The following GLMN variants were observed in gnomAD, a reference collection of about 807,000 sequenced individuals.
GLMN encodes glomulin.
Under a neutral mutation model 87.8 loss-of-function variants are expected in GLMN, and 75 were observed. The observed-to-expected ratio is 0.85, with a 90% CI of 0.71 to 1.04. The LOEUF (loss-of-function observed/expected upper bound fraction) is 1.04. GLMN is among the 50% of genes least tolerant of loss of function. GLMN has a pLI of 0.00. For missense variants in GLMN, 588 were observed against 658.8 expected, an observed-to-expected ratio of 0.89 and a Z score of 1.18; for synonymous variants, 206 against 221.6, an observed-to-expected ratio of 0.93 and a Z score of 0.63.
rs1290102626 is a variant in GLMN, at chr1:92,251,106, T to C, written c.1474-3117A>G. On this transcript the variant is annotated intron_variant, in intron 16 of 18. Coordinates refer to ENST00000370360, the MANE Select transcript of GLMN (RefSeq NM_053274.3). ...GCAGAAATTGACAAAATTCTAAAATTTATACAGAAAAGGTAAAGGATTTAA... is the reference window on the plus strand; with the variant it reads ...GCAGAAATTGACAAAATTCTAAAATCTATACAGAAAAGGTAAAGGATTTAA... Among the ~76,000 whole-genome samples the C allele has an allele frequency of 6.6e-5, 10 of 152,164 alleles. No homozygotes were observed. In the South Asian group the frequency reaches 1.2e-3, roughly 19 times the overall value.
At chr1:92,326,419 T>C in the GLMN span, among the ~76,000 whole-genome samples, 26 of 152,328 alleles carry the variant, frequency 1.7e-4, no homozygotes, top group Non-Finnish European at 1.0e-4. Flanking sequence ...TTTAATGTAC[T>C]ATTTTTGTGC....
chr1:92,346,704 T>C, the GLMN span, among the ~76,000 whole-genome samples: 1 of 152,226 alleles, frequency 6.6e-6, no homozygotes, highest in Non-Finnish European at 1.5e-5. Context: ...ACCAGATGCT[T>C]ACTACAAAAG....
intron 16 of GLMN, among the ~76,000 whole-genome samples, chr1:92,261,806 T>C (rs1246394668): frequency 1.2e-5 from 1 of 86,758 alleles, no homozygotes; most frequent in Non-Finnish European, 2.4e-5. Flanking sequence ...TTGAAATACA[T>C]CAAAAAATAG....
the GLMN span, among the ~76,000 whole-genome samples, chr1:92,320,420 G>A: frequency 2.0e-5 from 3 of 151,986 alleles, no homozygotes; most frequent in South Asian, 2.1e-4. Context: ...CTACAGGCGC[G>A]CACCGCCATG....
chr1:92,261,919 A>C (rs1317076115), intron 16 of GLMN, among the ~76,000 whole-genome samples: 4 of 152,094 alleles, frequency 2.6e-5, no homozygotes, highest in Non-Finnish European at 4.4e-5. Context: ...GATCACTATA[A>C]AATTCTTTCA....
intron 7 of GLMN, among the ~76,000 whole-genome samples, chr1:92,279,444 G>A (rs1219788595): frequency 1.5e-4 from 18 of 116,486 alleles, no homozygotes; most frequent in African/African-American, 7.1e-5. Flanking sequence ...GCAACAGAGC[G>A]AGACTCTGTC....
the GLMN span, among the ~76,000 whole-genome samples, chr1:92,351,305 CAAAAAAAAAAA>C: frequency 1.2e-5 from 1 of 86,840 alleles, no homozygotes; most frequent in Non-Finnish European, 2.2e-5. Flanking sequence ...GACTCTGTCT[CAAAAAAAAAAA>C]AAAAAAAAAA....
chr1:92,297,629 ATC>A (rs1431962506), intron 2 of GLMN, 100 bp from the exon 3 acceptor site: 8 of 1,034,660 alleles, frequency 7.7e-6, no homozygotes, highest in Admixed American at 2.2e-5. Flanking sequence ...AAAAAAGGAA[ATC>A]TGTTTAAATT....
At chr1:92,317,289 A>ACC in the GLMN span, among the ~76,000 whole-genome samples, 1 of 152,052 alleles carries the variant, frequency 6.6e-6, no homozygotes, top group Admixed American at 6.6e-5. Context: ...CGGGTGAATC[A>ACC]TGAGGTCAGG....
intron 16 of GLMN, among the ~76,000 whole-genome samples, chr1:92,251,794 CTTT>C (rs35251154): frequency 1.9e-3 from 269 of 143,048 alleles, no homozygotes; most frequent in East Asian, 0.012. Flanking sequence ...ATTCCCAAAA[CTTT>C]TTTTTTTTTT....
the GLMN span, among the ~76,000 whole-genome samples, chr1:92,349,675 C>A: frequency 6.6e-6 from 1 of 152,166 alleles, no homozygotes; most frequent in Non-Finnish European, 1.5e-5. Flanking sequence ...TGCCTATAAT[C>A]CCAGCATTTT....
the GLMN span, among the ~76,000 whole-genome samples, chr1:92,351,289 G>A: frequency 0.49 from 65,552 of 134,208 alleles, 16,576 homozygotes; most frequent in East Asian, 0.96. Flanking sequence ...CCTGGTGACC[G>A]AGTGAGACTC....
the GLMN span, among the ~76,000 whole-genome samples, chr1:92,362,365 A>G: frequency 6.6e-6 from 1 of 152,152 alleles, no homozygotes; most frequent in African/African-American, 2.4e-5. Context: ...AAATGCTTCC[A>G]TTTTATTCCT....
upstream of GLMN, among the ~76,000 whole-genome samples, chr1:92,303,650 G>T (rs1208269531): frequency 1.3e-5 from 2 of 152,062 alleles, no homozygotes; most frequent in Non-Finnish European, 1.5e-5. Context: ...AAAAGATACT[G>T]TTGTCATTTA....
chr1:92,335,688 A>T, the GLMN span, among the ~76,000 whole-genome samples: 1 of 152,160 alleles, frequency 6.6e-6, no homozygotes, highest in Non-Finnish European at 1.5e-5. Context: ...ATCTATCATG[A>T]ATATCTTTTT....
the GLMN span, among the ~76,000 whole-genome samples, chr1:92,365,980 T>TA: frequency 6.6e-5 from 10 of 150,594 alleles, no homozygotes; most frequent in East Asian, 3.9e-4. Context: ...GTCAGTCTCA[T>TA]AAAAAAAAAA....
intron 7 of GLMN, among the ~76,000 whole-genome samples, chr1:92,273,814 A>G (rs1480733686): frequency 6.6e-6 from 1 of 151,896 alleles, no homozygotes; most frequent in Non-Finnish European, 1.5e-5. Flanking sequence ...GCTGCTCTGG[A>G]TATCTGAGAT....
At chr1:92,348,103 C>T in the GLMN span, among the ~76,000 whole-genome samples, 8 of 152,196 alleles carry the variant, frequency 5.3e-5, no homozygotes, top group African/African-American at 1.9e-4. Context: ...GTTGGTCAGG[C>T]TGGTCTCGAA....
At position 92,281,814 on chromosome 1, in the gene GLMN, G is replaced by T. The variant is rs3122325; in HGVS notation, c.735+4676C>A. 5.3e-5 allele frequency among the ~76,000 whole-genome samples: 8 copies of T among 151,180 alleles called. No individual in the cohort carries two copies. The South Asian group carries it at 1.7e-3, about 32-fold the overall frequency. The stretch of plus-strand genomic sequence containing the variant: ...TGGAAAGCAAAAAAAAAAAAGCAAG[G>T]GTTGCAATCCTAGTCTCTGATAAAA... On this transcript the variant is annotated intron_variant, in intron 7 of 18. Transcript: ENST00000370360.
Sources: gnomAD v4.1 joint callset for allele counts (sites outside exome capture counted in the v4.1 genomes callset) on GRCh38, gnomAD v4.1.1 for gene constraint, MANE v1.5 for transcripts, NCBI Gene and HGNC (gene_info 2026-07-23, HGNC 2026-07-21) for gene names.